The following DPP10 variants were observed in gnomAD, a reference collection of about 807,000 sequenced individuals.
DPP10 encodes inactive dipeptidyl peptidase 10.
In DPP10, 33 loss-of-function variants were observed where a neutral mutation model predicts 120.9. That is an observed-to-expected ratio of 0.27 (90% CI 0.21 to 0.37). The LOEUF (loss-of-function observed/expected upper bound fraction) is 0.37. Among genes scored for constraint, DPP10 ranks in the 10% least tolerant of loss-of-function variants. DPP10 has a pLI of 1.00. For missense variants in DPP10, 816 were observed against 942.8 expected (o/e 0.87, Z 1.76); for synonymous variants, 337 against 326.1 (o/e 1.03, Z -0.36).
intron 1 of DPP10, among the ~76,000 whole-genome samples, chr2:115,084,858 G>T (rs1314815013): frequency 2.0e-5 from 3 of 152,178 alleles, no homozygotes; most frequent in Non-Finnish European, 4.4e-5. Flanking sequence ...ATACCTAAAA[G>T]CACCTGTTAG....
At chr2:114,520,421 C>T (rs1350052988) in intron 1 of DPP10, among the ~76,000 whole-genome samples, 2 of 152,090 alleles carry the variant, frequency 1.3e-5, no homozygotes, top group Non-Finnish European at 2.9e-5. Flanking sequence ...GGCAAAACAC[C>T]GACTGCAAGA....
intron 5 of DPP10, among the ~76,000 whole-genome samples, chr2:115,670,051 G>A (rs62157883): frequency 0.078 from 11,824 of 152,050 alleles, 652 homozygotes; most frequent in Non-Finnish European, 0.12. Context: ...GGAAGATCTG[G>A]TATCTGGAGA....
intron 1 of DPP10, among the ~76,000 whole-genome samples, chr2:114,497,164 CACGTGTATACAT>C (rs1682625233): frequency 1.4e-5 from 2 of 145,936 alleles, no homozygotes; most frequent in African/African-American, 5.3e-5. Flanking sequence ...TGTAGGTGTA[CACGTGTATACAT>C]GTGTACGTGT....
At chr2:114,522,307 C>T (rs1685138328) in intron 1 of DPP10, among the ~76,000 whole-genome samples, 1 of 152,096 alleles carries the variant, frequency 6.6e-6, no homozygotes, top group Non-Finnish European at 1.5e-5. Flanking sequence ...TATACCCAGT[C>T]AAGCTGTTCT....
intron 1 of DPP10, among the ~76,000 whole-genome samples, chr2:114,890,138 G>A (rs1285009204): frequency 6.6e-6 from 1 of 152,170 alleles, no homozygotes; most frequent in African/African-American, 2.4e-5. Flanking sequence ...TGCTATGAGA[G>A]ACACCTGTAT....
At chr2:115,022,142 T>C (rs1302147422) in intron 1 of DPP10, among the ~76,000 whole-genome samples, 1 of 152,036 alleles carries the variant, frequency 6.6e-6, no homozygotes, top group Middle Eastern at 3.2e-3. Context: ...CTATTCAACA[T>C]AGTACTGGCA....
chr2:115,781,946 G>T (rs1430123055), intron 16 of DPP10, among the ~76,000 whole-genome samples: 1 of 151,914 alleles, frequency 6.6e-6, no homozygotes. Context: ...CAATATGCGT[G>T]CTTTCTTTTT....
intron 1 of DPP10, among the ~76,000 whole-genome samples, chr2:114,558,998 A>G (rs1688541960): frequency 6.6e-6 from 1 of 152,192 alleles, no homozygotes; most frequent in Admixed American, 6.5e-5. Context: ...GTACATCCCC[A>G]TGTCCAAATA....
intron 1 of DPP10, among the ~76,000 whole-genome samples, chr2:115,229,543 T>G (rs2057626586): frequency 6.6e-6 from 1 of 152,152 alleles, no homozygotes; most frequent in Non-Finnish European, 1.5e-5. Context: ...CTTTTATCCA[T>G]GTTTATTTGA....
Position 114,497,803 on chromosome 2 carries a change from G to A in DPP10, c.60+54965G>A, listed in dbSNP as rs529662161. Among the ~76,000 whole-genome samples, 26 of 152,246 alleles carry A rather than the reference G, an allele frequency of 1.7e-4. 1 individual carries two copies. The South Asian group carries it at 5.2e-3, about 30-fold the overall frequency. On this transcript the variant is annotated intron_variant, in intron 1 of 25. Transcript: ENST00000410059. ...CTCATCCCCTTCAATGGAAAATAAG[G>A]CAAAGCCAAGAAGCCAAAAGTACAG...
At chr2:115,481,441 A>G (rs1425053075) in intron 3 of DPP10, among the ~76,000 whole-genome samples, 1 of 152,146 alleles carries the variant, frequency 6.6e-6, no homozygotes, top group Admixed American at 6.6e-5. Context: ...TCGTTCATTC[A>G]TTCAGAGATA....
chr2:115,486,136 A>G (rs568461276), intron 3 of DPP10, among the ~76,000 whole-genome samples: 2 of 152,298 alleles, frequency 1.3e-5, no homozygotes, highest in Admixed American at 1.3e-4. Context: ...ATCGGAAAAT[A>G]TAAAAAATTA....
At chr2:114,891,187 G>A (rs1692513022) in intron 1 of DPP10, among the ~76,000 whole-genome samples, 1 of 152,096 alleles carries the variant, frequency 6.6e-6, no homozygotes, top group African/African-American at 2.4e-5. Flanking sequence ...GTGGTTGGCA[G>A]CCAAATAGCC....
At chr2:114,634,601 G>A (rs1695178049) in intron 1 of DPP10, among the ~76,000 whole-genome samples, 1 of 151,798 alleles carries the variant, frequency 6.6e-6, no homozygotes, top group Non-Finnish European at 1.5e-5. Flanking sequence ...TTGCTATCTG[G>A]GTGACTTTGA....
At chr2:115,024,021 G>T (rs1232197199) in intron 1 of DPP10, among the ~76,000 whole-genome samples, 1 of 152,076 alleles carries the variant, frequency 6.6e-6, no homozygotes, top group Non-Finnish European at 1.5e-5. Context: ...AGGGTGGTGG[G>T]TGGTGAGGGA....
chr2:114,794,477 G>A (rs541454139), intron 1 of DPP10, among the ~76,000 whole-genome samples: 13 of 152,234 alleles, frequency 8.5e-5, no homozygotes, highest in African/African-American at 3.1e-4. Context: ...AATAATTTTA[G>A]CCTGAGAAGA....
intron 1 of DPP10, among the ~76,000 whole-genome samples, chr2:114,772,575 A>G (rs1308810469): frequency 6.6e-6 from 1 of 152,208 alleles, no homozygotes; most frequent in Non-Finnish European, 1.5e-5. Flanking sequence ...CCTCATTTAC[A>G]GTATAGGAAC....
intron 1 of DPP10, among the ~76,000 whole-genome samples, chr2:114,497,502 A>G (rs1393954402): frequency 6.6e-6 from 1 of 150,544 alleles, no homozygotes; most frequent in Non-Finnish European, 1.5e-5. Flanking sequence ...ACCATAAACT[A>G]GAATGATGAG....
intron 9 of DPP10, among the ~76,000 whole-genome samples, chr2:115,745,618 A>G (rs146051936): frequency 6.6e-6 from 1 of 150,658 alleles, no homozygotes; most frequent in Non-Finnish European, 1.5e-5. Context: ...TTTTAAGCAC[A>G]GGGCACCTGG....
Sources: gnomAD v4.1 joint callset for allele counts (sites outside exome capture counted in the v4.1 genomes callset) on GRCh38, gnomAD v4.1.1 for gene constraint, MANE v1.5 for transcripts, NCBI Gene and HGNC (gene_info 2026-07-23, HGNC 2026-07-21) for gene names.